NUP153: variants seen among roughly 807,000 people sequenced by gnomAD.
NUP153 encodes the protein nucleoporin 153.
Under a neutral mutation model 134.6 loss-of-function variants are expected in NUP153, and 27 were observed. The ratio of observed to expected loss-of-function variants is 0.20; its 90% CI spans 0.15 to 0.28. NUP153 has a LOEUF of 0.28. Among genes scored for constraint, NUP153 ranks in the 10% least tolerant of loss-of-function variants. The pLI is 1.00. For synonymous variants in NUP153, 640 were observed against 623.5 expected (o/e 1.03, Z -0.40); for missense variants, 1,821 against 1,731.3 (o/e 1.05, Z -0.92).
At chr6:17,683,649 T>C (rs1768745893) in intron 2 of NUP153, among the ~76,000 whole-genome samples, 1 of 152,208 alleles carries the variant, frequency 6.6e-6, no homozygotes, top group South Asian at 2.1e-4. Context: ...AGCATAATTC[T>C]TAGGAGCCCT....
chr6:17,674,263 A>G (rs916834475), intron 5 of NUP153, among the ~76,000 whole-genome samples: 16 of 152,170 alleles, frequency 1.1e-4, no homozygotes, highest in Non-Finnish European at 2.2e-4. Context: ...TATACATAAT[A>G]ATATGTTTTG....
chr6:17,700,794 T>C (rs952999891), intron 1 of NUP153, among the ~76,000 whole-genome samples: 1 of 152,258 alleles, frequency 6.6e-6, no homozygotes, highest in African/African-American at 2.4e-5. Flanking sequence ...GTTTTTACAT[T>C]TGCTAAAGGA....
chr6:17,695,605 A>T (rs1561911775), intron 1 of NUP153, among the ~76,000 whole-genome samples: 1 of 152,220 alleles, frequency 6.6e-6, no homozygotes, highest in Admixed American at 6.5e-5. Context: ...ACCGTTAAAG[A>T]CTTACACAGA....
intron 1 of NUP153, among the ~76,000 whole-genome samples, chr6:17,701,843 GGAAA>G (rs1165608075): frequency 2.3e-5 from 2 of 87,318 alleles, no homozygotes; most frequent in Non-Finnish European, 2.5e-5. Flanking sequence ...GGGGGGGGGG[GGAAA>G]AAAGCTAAAT....
chr6:17,665,255 A>G lies in NUP153; in HGVS notation c.1199T>C (p.Ile400Thr), dbSNP rs1767457252. ...TATACTCACACTGCACTTGTTATCT[A>G]TTCTTTGATTAGTCTTCCTGAATTC... ...SGEFRKTNQRIDNKCSTGYEK... is the reference protein window; with the variant it reads ...SGEFRKTNQRTDNKCSTGYEK... The change falls in exon 9 of 22, where the codon ATA becomes ACA. Residue 400 changes from isoleucine to threonine, a missense_variant. Physicochemically the swap from Ile to Thr is moderately conservative, Grantham distance 89. Transcript: ENST00000262077. 1.2e-6 allele frequency: 2 copies of G among 1,605,752 alleles called. No individual in the cohort carries two copies. The highest frequency in any genetic ancestry group is 2.2e-5 in the South Asian group (2 of 90,952).
At chr6:17,634,289 G>A (rs1765407510) in intron 16 of NUP153, among the ~76,000 whole-genome samples, 1 of 152,074 alleles carries the variant, frequency 6.6e-6, no homozygotes, top group Non-Finnish European at 1.5e-5. Flanking sequence ...CTTTATTCCT[G>A]CCACTCCCTG....
chr6:17,687,063 A>G (rs867066509), intron 2 of NUP153, among the ~76,000 whole-genome samples: 40 of 152,318 alleles, frequency 2.6e-4, no homozygotes, highest in African/African-American at 9.1e-4. Flanking sequence ...GAATAAAATC[A>G]GTTTGAGTTG....
chr6:17,706,589 G>T lies in NUP153; in HGVS notation c.-202C>A, dbSNP rs1770518151. 8.6e-6 allele frequency: 5 copies of T among 581,018 alleles called. No homozygotes were observed. The highest frequency in any genetic ancestry group is 6.0e-5 in the South Asian group (3 of 49,694). The allele number at this position is 581,018 out of a possible 1,614,324, so 36.0% of individuals were successfully genotyped here. On this transcript the variant is annotated 5_prime_UTR_variant, in exon 1 of 22. Transcript: ENST00000262077. The surrounding 1 kb of genome is among the most constrained non-coding windows in gnomAD (Gnocchi z 5.9). ...AGGGTGAGTGCTGGCAGCGGGGAAG[G>T]GGGTGGCGGCCGCAGAGGCCGAGGA...
Position 17,616,680 on chromosome 6 carries a change from A to C in NUP153, c.4190T>G (p.Phe1397Cys). The C allele has an allele frequency of 6.2e-7, 1 of 1,612,726 alleles. No individual in the cohort carries two copies. Among genetic ancestry groups the C allele is most frequent in the Non-Finnish European group, 8.5e-7 (1 of 1,179,114 alleles). ...GTTGAAATTTGTAGTGCTGCTGCCA[A>C]ACTGGAAAGCCGAACCTGCAATAGT... ...TTPNSSSAFQ[F>C]GSSTTNFNFT... Residue 1397 changes from phenylalanine to cysteine, a missense_variant, in exon 21 of 22, where the codon TTT becomes TGT. Phe to Cys is a radical substitution (Grantham distance 205). Transcript: ENST00000262077.
intron 1 of NUP153, among the ~76,000 whole-genome samples, chr6:17,695,705 G>A (rs936094480): frequency 6.6e-6 from 1 of 152,132 alleles, no homozygotes; most frequent in Non-Finnish European, 1.5e-5. Flanking sequence ...TATTGGAAAG[G>A]AGACTATCAA....
chr6:17,687,360 A>G (rs1193703685), intron 2 of NUP153, among the ~76,000 whole-genome samples: 1 of 152,186 alleles, frequency 6.6e-6, no homozygotes, highest in African/African-American at 2.4e-5. Flanking sequence ...CTGGCCAGAA[A>G]AGAAAATAAC....
chr6:17,678,875 G>T (rs1035603733), intron 2 of NUP153, among the ~76,000 whole-genome samples: 18 of 151,294 alleles, frequency 1.2e-4, no homozygotes, highest in African/African-American at 4.4e-4. Context: ...GAGCCCAGGA[G>T]TTCAAGGCTG....
chr6:17,625,943 G>T lies in NUP153; in HGVS notation c.3766C>A (p.Gln1256Lys). Residue 1256 changes from glutamine to lysine, a missense_variant, in exon 19 of 22, where the codon CAA becomes AAA. Physicochemically the swap from Gln to Lys is moderately conservative, Grantham distance 53 (BLOSUM62 1). Transcript: ENST00000262077. This position sits in a 1 kb window ranked among gnomAD's most constrained non-coding sequence, Gnocchi z 4.7. The part of the protein sequence containing the change: ...SSTSQSLLFS[Q>K]DSKLATTSST... ...GATGTGGTTGCTAGTTTGCTATCTT[G>T]AGAAAATAGCAAAGACTGAGAGGTG... 3 of 1,614,162 alleles carry T rather than the reference G, an allele frequency of 1.9e-6. No individual in the cohort carries two copies. Among genetic ancestry groups the T allele is most frequent in the Non-Finnish European group, 2.5e-6 (3 of 1,180,002 alleles).
Position 17,680,791 on chromosome 6 carries a change from A to T in NUP153, c.335-5021T>A, listed in dbSNP as rs929938493. ...CAATAATGGATGCTGGTGAGGATGT[A>T]GAGAAAGGAGAATCCTTGTACACTG... On this transcript the variant is annotated intron_variant, in intron 2 of 21. Transcript: ENST00000262077. The surrounding 1 kb of genome is among the most constrained non-coding windows in gnomAD (Gnocchi z 4.5). Among the ~76,000 whole-genome samples, 3 of 152,246 alleles carry T rather than the reference A, an allele frequency of 2.0e-5. No homozygotes were observed. The highest frequency in any genetic ancestry group is 4.8e-5 in the African/African-American group (2 of 41,464).
At chr6:17,623,523 A>C (rs961259596) in intron 20 of NUP153, among the ~76,000 whole-genome samples, 8 of 152,366 alleles carry the variant, frequency 5.3e-5, no homozygotes, top group African/African-American at 1.9e-4. Context: ...CTTTTAATTC[A>C]GCAATCCCAT....
In NUP153 at chr6:17,706,232, G is replaced by A; in HGVS notation, c.111+45C>T. On this transcript the variant is annotated intron_variant, in intron 1 of 21. Transcript: ENST00000262077. The surrounding 1 kb of genome is among the most constrained non-coding windows in gnomAD (Gnocchi z 5.9). Reference sequence around the variant, plus strand: ...CTCGAACCGCCCGTCCCCTCCAGCCGAGTTTCCCCACCCGCCAGGCCACCG... The same window carrying A: ...CTCGAACCGCCCGTCCCCTCCAGCCAAGTTTCCCCACCCGCCAGGCCACCG... 1.3e-5 allele frequency: 19 copies of A among 1,503,814 alleles called. No homozygotes were observed. The highest frequency in any genetic ancestry group is 1.7e-5 in the Non-Finnish European group (18 of 1,081,774). 93.2% of individuals were successfully genotyped at this position (1,503,814 alleles called of 1,614,324 possible). A position where few individuals can be genotyped will look rare whatever the true frequency, so the allele number is the denominator to read the frequency against.
At chr6:17,665,215 T>C in intron 9 of NUP153, 24 bp downstream of exon 9, 1 of 1,550,234 alleles carries the variant, frequency 6.5e-7, no homozygotes. Context: ...ATTCAAAGAC[T>C]GGTAGAAATA....
chr6:17,630,295 TCA>T (rs1342175102), intron 17 of NUP153, among the ~76,000 whole-genome samples: 1 of 152,170 alleles, frequency 6.6e-6, no homozygotes, highest in Non-Finnish European at 1.5e-5. Context: ...AATGTGTTAT[TCA>T]CTCAAGCATT....
chr6:17,639,449 CT>C (rs1461826631), intron 15 of NUP153, among the ~76,000 whole-genome samples: 2 of 152,152 alleles, frequency 1.3e-5, no homozygotes, highest in Non-Finnish European at 2.9e-5. Flanking sequence ...AAAAATTATT[CT>C]TATCTGAGAA....
Sources: allele counts gnomAD v4.1 joint callset (sites outside exome capture counted in the v4.1 genomes callset), GRCh38; gene constraint gnomAD v4.1.1; non-coding constraint Gnocchi (gnomAD v3.1); transcripts MANE v1.5; gene names NCBI Gene and HGNC (gene_info 2026-07-23, HGNC 2026-07-21).